PTPRR: variants seen among roughly 807,000 people sequenced by gnomAD.
PTPRR encodes the protein receptor-type tyrosine-protein phosphatase R.
Under a neutral mutation model 77.2 loss-of-function variants are expected in PTPRR, and 38 were observed. The observed-to-expected ratio is 0.49, with a 90% confidence interval of 0.38 to 0.65. PTPRR has a LOEUF of 0.65. PTPRR is among the 30% of genes least tolerant of loss of function. PTPRR has a pLI of 0.00. For missense variants in PTPRR, 744 were observed against 799.2 expected (o/e 0.93, Z 0.83); for synonymous variants, 299 against 283.1 (o/e 1.06, Z -0.57).
intron 1 of PTPRR, among the ~76,000 whole-genome samples, chr12:70,902,004 A>G (rs10784878): frequency 0.61 from 92,604 of 151,736 alleles, 28,638 homozygotes; most frequent in Non-Finnish European, 0.67. Context: ...AGTGGGCTAA[A>G]GACATGAATA....
At chr12:70,783,666 C>T (rs558912263) in intron 2 of PTPRR, among the ~76,000 whole-genome samples, 4 of 145,892 alleles carry the variant, frequency 2.7e-5, no homozygotes, top group African/African-American at 8.4e-5. Flanking sequence ...GACTGGCGGC[C>T]CCGGACCCCA....
At chr12:70,836,114 A>C (rs1297864432) in intron 2 of PTPRR, among the ~76,000 whole-genome samples, 3 of 151,994 alleles carry the variant, frequency 2.0e-5, no homozygotes, top group African/African-American at 7.2e-5. Flanking sequence ...GAAGGACTCC[A>C]CTAATACTTG....
At position 70,888,945 on chromosome 12, in the gene PTPRR, G is replaced by A. The variant is rs1004955293; in HGVS notation, c.357+3734C>T. On this transcript the variant is annotated intron_variant, in intron 2 of 13. Coordinates refer to ENST00000283228, the MANE Select transcript of PTPRR (RefSeq NM_002849.4). ...TTGTACTAAAGCATCGTGCTCAATGGCAAACAGTCTGAATTTTAAGACATA... is the reference window on the plus strand; with the variant it reads ...TTGTACTAAAGCATCGTGCTCAATGACAAACAGTCTGAATTTTAAGACATA... Among the ~76,000 whole-genome samples the A allele has an allele frequency of 2.0e-5, 3 of 152,244 alleles. No individual in the cohort carries two copies. The East Asian group carries it at 5.8e-4, about 29-fold the overall frequency.
chr12:70,841,313 A>AAATTT (rs1221351158), intron 2 of PTPRR, among the ~76,000 whole-genome samples: 1 of 152,202 alleles, frequency 6.6e-6, no homozygotes, highest in African/African-American at 2.4e-5. Flanking sequence ...ATTTGATTTT[A>AAATTT]AATTTATCAG....
chr12:70,901,901 T>C (rs10879217), intron 1 of PTPRR, among the ~76,000 whole-genome samples: 68,769 of 151,494 alleles, frequency 0.45, 16,028 homozygotes, highest in East Asian at 0.61. Flanking sequence ...CTCTATACCA[T>C]TTCCCATAAC....
intron 2 of PTPRR, among the ~76,000 whole-genome samples, chr12:70,826,339 G>A (rs1052884281): frequency 6.6e-6 from 1 of 152,160 alleles, no homozygotes; most frequent in Non-Finnish European, 1.5e-5. Flanking sequence ...GGGTGGGAAG[G>A]GCTGGGCATT....
chr12:70,769,458 G>A (rs529932914), intron 2 of PTPRR, among the ~76,000 whole-genome samples: 25 of 152,242 alleles, frequency 1.6e-4, no homozygotes, highest in African/African-American at 2.2e-4. Flanking sequence ...TACAAGGGAC[G>A]TGAAGGACTT....
chr12:70,743,893 T>C (rs1890130069), intron 6 of PTPRR, among the ~76,000 whole-genome samples: 1 of 152,200 alleles, frequency 6.6e-6, no homozygotes, highest in Non-Finnish European at 1.5e-5. Flanking sequence ...GCTACTTTCC[T>C]AGACAATTTT....
intron 13 of PTPRR, among the ~76,000 whole-genome samples, chr12:70,650,335 G>A (rs367855593): frequency 2.6e-5 from 4 of 152,178 alleles, no homozygotes; most frequent in South Asian, 4.1e-4. Context: ...GCTGAGGCAG[G>A]ATAATCGCTT....
chr12:70,887,204 CT>C (rs201195426), intron 2 of PTPRR, among the ~76,000 whole-genome samples: 4,325 of 152,232 alleles, frequency 0.028, 99 homozygotes, highest in Non-Finnish European at 0.045. Flanking sequence ...AATCCCAGCA[CT>C]TTGGGAGGCT....
intron 6 of PTPRR, among the ~76,000 whole-genome samples, chr12:70,736,066 A>G (rs949034850): frequency 2.0e-5 from 3 of 152,140 alleles, no homozygotes; most frequent in Admixed American, 2.0e-4. Flanking sequence ...ATTCTGAATT[A>G]TTGCCTTATA....
chr12:70,862,412 A>G (rs1650430483), intron 2 of PTPRR, among the ~76,000 whole-genome samples: 1 of 147,746 alleles, frequency 6.8e-6, no homozygotes, highest in African/African-American at 2.7e-5. Context: ...ATGCAGCCAT[A>G]AAAAATGATG....
intron 6 of PTPRR, among the ~76,000 whole-genome samples, chr12:70,741,242 G>A (rs1342848433): frequency 6.7e-6 from 1 of 149,838 alleles, no homozygotes; most frequent in African/African-American, 2.5e-5. Flanking sequence ...TCATATATGT[G>A]TCCTCAAGAA....
chr12:70,764,008 CTTTTTTTTTT>C (rs1249116948), intron 3 of PTPRR, among the ~76,000 whole-genome samples: 1 of 132,200 alleles, frequency 7.6e-6, no homozygotes, highest in African/African-American at 2.8e-5. Context: ...TTTGGGTTTA[CTTTTTTTTTT>C]TTTTTTTTTA....
intron 2 of PTPRR, among the ~76,000 whole-genome samples, chr12:70,809,982 G>C (rs563737013): frequency 6.6e-6 from 1 of 152,134 alleles, no homozygotes; most frequent in African/African-American, 2.4e-5. Flanking sequence ...GATGGACTTC[G>C]AAATGGAAAG....
intron 2 of PTPRR, among the ~76,000 whole-genome samples, chr12:70,825,330 C>T (rs1380395938): frequency 3.9e-5 from 6 of 151,950 alleles, no homozygotes; most frequent in African/African-American, 1.5e-4. Flanking sequence ...AGTTACTTGT[C>T]AAAATTCACT....
At chr12:70,841,430 G>C (rs1352600092) in intron 2 of PTPRR, among the ~76,000 whole-genome samples, 1 of 151,712 alleles carries the variant, frequency 6.6e-6, no homozygotes, top group Admixed American at 6.6e-5. Context: ...TTCTCAGCTT[G>C]TTCTCTCAAC....
At chr12:70,892,534 T>C (rs1440528774) in intron 2 of PTPRR, 145 bp downstream of exon 2, 3 of 992,152 alleles carry the variant, frequency 3.0e-6, no homozygotes, top group Non-Finnish European at 4.4e-6. Context: ...AGTAAGAAAT[T>C]AGAAGTACCA....
chr12:70,718,080 C>T (rs10879186), intron 6 of PTPRR, among the ~76,000 whole-genome samples: 46,155 of 151,956 alleles, frequency 0.3, 7,383 homozygotes, highest in South Asian at 0.48. Flanking sequence ...CTCTCAAATA[C>T]TAACTGTCTG....
Sources: gnomAD v4.1 joint callset for allele counts (sites outside exome capture counted in the v4.1 genomes callset) on GRCh38, gnomAD v4.1.1 for gene constraint, MANE v1.5 for transcripts, NCBI Gene and HGNC (gene_info 2026-07-23, HGNC 2026-07-21) for gene names.